Variants in AGBL4 observed in about 807,000 individuals in gnomAD.
AGBL4 encodes the protein AGBL carboxypeptidase 4, also known as cytosolic carboxypeptidase 6.
In AGBL4, 58 loss-of-function variants were observed where a neutral mutation model predicts 66.4. The observed-to-expected ratio is 0.87, with a 90% confidence interval of 0.71 to 1.09. The LOEUF (loss-of-function observed/expected upper bound fraction) is 1.09. Ranked by LOEUF, AGBL4 falls within the 50% of genes least tolerant of loss-of-function variation. The probability of loss-of-function intolerance (pLI) is 0.00; values close to 1 mark genes in which losing one functional copy is unlikely to be tolerated. For synonymous variants in AGBL4, 234 were observed against 222.9 expected (o/e 1.05, Z -0.44); for missense variants, 579 against 631.0 (o/e 0.92, Z 0.88).
At chr1:49,178,082 T>C (rs1646864299) in intron 4 of AGBL4, among the ~76,000 whole-genome samples, 1 of 152,154 alleles carries the variant, frequency 6.6e-6, no homozygotes, top group Admixed American at 6.5e-5. Context: ...TCAGTGTATT[T>C]AGCAGGGTAG....
chr1:48,783,102 T>G (rs922430890), intron 6 of AGBL4, among the ~76,000 whole-genome samples: 23 of 152,334 alleles, frequency 1.5e-4, no homozygotes, highest in African/African-American at 4.6e-4. Flanking sequence ...CCTTTTACAT[T>G]TTTTAAATTT....
At chr1:49,934,802 A>T (rs1653760872) in intron 1 of AGBL4, among the ~76,000 whole-genome samples, 1 of 150,032 alleles carries the variant, frequency 6.7e-6, no homozygotes, top group African/African-American at 2.5e-5. Context: ...ATAATAAAAT[A>T]TCTGAGCAGA....
intron 4 of AGBL4, among the ~76,000 whole-genome samples, chr1:49,232,434 C>T (rs1311640128): frequency 6.6e-6 from 1 of 152,090 alleles, no homozygotes; most frequent in Non-Finnish European, 1.5e-5. Flanking sequence ...CGCGGTGGCT[C>T]AAGCCTGTAA....
chr1:49,596,463 G>A (rs1185794130), intron 3 of AGBL4, among the ~76,000 whole-genome samples: 1 of 152,108 alleles, frequency 6.6e-6, no homozygotes, highest in Non-Finnish European at 1.5e-5. Flanking sequence ...GAGGCACTAC[G>A]CCCAGCCTGT....
intron 12 of AGBL4, among the ~76,000 whole-genome samples, chr1:48,538,459 A>G (rs958785727): frequency 6.6e-6 from 1 of 152,208 alleles, no homozygotes; most frequent in African/African-American, 2.4e-5. Flanking sequence ...CTAAGATCCT[A>G]TAACTCACAT....
intron 4 of AGBL4, among the ~76,000 whole-genome samples, chr1:49,166,651 C>A (rs534161997): frequency 1.3e-5 from 2 of 152,222 alleles, no homozygotes; most frequent in Admixed American, 6.5e-5. Flanking sequence ...CAGTCTATAG[C>A]CACTAGTCCT....
At chr1:48,639,057 C>CA (rs1557845755) in intron 8 of AGBL4, among the ~76,000 whole-genome samples, 1 of 152,146 alleles carries the variant, frequency 6.6e-6, no homozygotes, top group East Asian at 1.9e-4. Flanking sequence ...ACCTCTGATT[C>CA]AAAAAAGAAC....
rs188753261 is a variant in AGBL4, at chr1:48,599,569, G to C, written c.952-8584C>G. ...AACTACAGCTTAAGTAAGAGAGGTG[G>C]TGGTAGAGGTGAGAAGGCATATTTA... On this transcript the variant is annotated intron_variant, in intron 9 of 13. Coordinates refer to ENST00000371839, the MANE Select transcript of AGBL4 (RefSeq NM_032785.4). Among the ~76,000 whole-genome samples the C allele has an allele frequency of 3.2e-3, 490 of 152,332 alleles. 14 individuals are homozygous for C. In the South Asian group the frequency reaches 0.064, roughly 20 times the overall value.
intron 3 of AGBL4, among the ~76,000 whole-genome samples, chr1:49,530,601 G>C (rs1199610938): frequency 6.6e-6 from 1 of 151,986 alleles, no homozygotes; most frequent in Non-Finnish European, 1.5e-5. Context: ...TTTTGGGATT[G>C]GGAAAATAAT....
At chr1:49,613,190 G>A (rs2124246464) in intron 3 of AGBL4, among the ~76,000 whole-genome samples, 1 of 152,054 alleles carries the variant, frequency 6.6e-6, no homozygotes, top group Non-Finnish European at 1.5e-5. Flanking sequence ...AGGTACACAT[G>A]GACACAAAGA....
At chr1:48,719,873 C>T (rs1022418712) in intron 6 of AGBL4, among the ~76,000 whole-genome samples, 5 of 152,154 alleles carry the variant, frequency 3.3e-5, no homozygotes, top group Non-Finnish European at 7.3e-5. Context: ...CCCATAGTCA[C>T]ATTCTGACAG....
At chr1:49,354,607 A>ACCT (rs1643980774) in intron 3 of AGBL4, among the ~76,000 whole-genome samples, 1 of 152,214 alleles carries the variant, frequency 6.6e-6, no homozygotes, top group South Asian at 2.1e-4. Context: ...TCCCAAAAAT[A>ACCT]CAGTAAAACC....
intron 3 of AGBL4, among the ~76,000 whole-genome samples, chr1:49,491,154 C>T (rs1306059300): frequency 6.6e-6 from 1 of 151,808 alleles, no homozygotes. Flanking sequence ...TAATGCAGTA[C>T]TGGTACATAA....
chr1:49,875,000 A>G (rs1242739977), intron 1 of AGBL4, among the ~76,000 whole-genome samples: 1 of 107,728 alleles, frequency 9.3e-6, no homozygotes, highest in Non-Finnish European at 1.8e-5. Context: ...AACAGTCCCC[A>G]GAGTGTGATG....
chr1:49,936,125 T>C (rs1001661493), intron 1 of AGBL4, among the ~76,000 whole-genome samples: 1 of 152,014 alleles, frequency 6.6e-6, no homozygotes, highest in Admixed American at 6.6e-5. Context: ...GAATAACCAA[T>C]ATACAGAAGT....
chr1:48,998,905 GATCTCTC>G (rs1557542908), intron 5 of AGBL4, among the ~76,000 whole-genome samples: 1 of 152,186 alleles, frequency 6.6e-6, no homozygotes, highest in Non-Finnish European at 1.5e-5. Context: ...GCTGCTTGAA[GATCTCTC>G]CATAGTTCCC....
intron 3 of AGBL4, among the ~76,000 whole-genome samples, chr1:49,303,368 A>G (rs1198454053): frequency 6.6e-6 from 1 of 152,158 alleles, no homozygotes; most frequent in Non-Finnish European, 1.5e-5. Context: ...GTGAGATGGA[A>G]TCTCACTGTG....
intron 2 of AGBL4, chr1:49,845,103 T>A (rs1251977078): frequency 6.9e-7 from 1 of 1,454,342 alleles, no homozygotes; most frequent in Non-Finnish European, 9.6e-7. Context: ...GAAAGGCCTT[T>A]AGTCACAGCT....
intron 5 of AGBL4, among the ~76,000 whole-genome samples, chr1:48,909,087 C>A (rs1358844214): frequency 1.3e-5 from 2 of 152,002 alleles, no homozygotes; most frequent in African/African-American, 4.8e-5. Flanking sequence ...CCTTCCAGTC[C>A]CTTTACATTT....
Sources: allele counts gnomAD v4.1 joint callset (sites outside exome capture counted in the v4.1 genomes callset), GRCh38; gene constraint gnomAD v4.1.1; transcripts MANE v1.5; gene names NCBI Gene and HGNC (gene_info 2026-07-23, HGNC 2026-07-21).